FRAS1: variants seen among roughly 807,000 people sequenced by gnomAD.
The protein encoded by FRAS1 is extracellular matrix organizing protein FRAS1.
In FRAS1, 290 loss-of-function variants were observed where a neutral mutation model predicts 435.2. The observed-to-expected ratio is 0.67, with a 90% CI of 0.61 to 0.73. The LOEUF is 0.73. FRAS1 is among the 30% of genes least tolerant of loss of function. FRAS1 has a pLI of 0.00. For synonymous variants in FRAS1, 1,800 were observed against 1,851.0 expected (o/e 0.97, Z 0.71); for missense variants, 4,860 against 5,001.5 (o/e 0.97, Z 0.85).
chr4:78,301,846 GTTTTTTTTTTTT>G (rs59794614), intron 14 of FRAS1, among the ~76,000 whole-genome samples: 2 of 103,948 alleles, frequency 1.9e-5, no homozygotes, highest in Middle Eastern at 6.0e-3. Flanking sequence ...CACAGAAACA[GTTTTTTTTTTTT>G]TTTTTTTTTT....
At chr4:78,281,696 T>G (rs1428589040) in intron 11 of FRAS1, among the ~76,000 whole-genome samples, 1 of 152,200 alleles carries the variant, frequency 6.6e-6, no homozygotes, top group Non-Finnish European at 1.5e-5. Flanking sequence ...CCCTTTCTTG[T>G]GATGTTTTTC....
intron 11 of FRAS1, 94 bp downstream of exon 11, chr4:78,281,527 G>A (rs1005357469): frequency 6.7e-6 from 5 of 749,468 alleles, no homozygotes; most frequent in Non-Finnish European, 8.4e-6. Flanking sequence ...TAGGACCTTA[G>A]TATTTTTAAC....
At chr4:78,520,134 C>T (rs1357740486) in intron 67 of FRAS1, among the ~76,000 whole-genome samples, 2 of 152,102 alleles carry the variant, frequency 1.3e-5, no homozygotes, top group Non-Finnish European at 2.9e-5. Context: ...AGTTTCCACA[C>T]CTCACCCCCA....
chr4:78,412,282 C>T (rs1282437113), intron 31 of FRAS1, among the ~76,000 whole-genome samples: 1 of 152,168 alleles, frequency 6.6e-6, no homozygotes, highest in Non-Finnish European at 1.5e-5. Flanking sequence ...CCACATGTCA[C>T]ACATGGCTTA....
chr4:78,095,586 C>G (rs1441877125), intron 2 of FRAS1, among the ~76,000 whole-genome samples: 1 of 152,166 alleles, frequency 6.6e-6, no homozygotes. Context: ...CATATAATTC[C>G]AAGTGGCTGT....
rs141104287 is a variant in FRAS1, at chr4:78,415,819, G to A, written c.4425+2734G>A. On this transcript the variant is annotated intron_variant, in intron 32 of 73. Coordinates refer to ENST00000512123, the MANE Select transcript of FRAS1 (RefSeq NM_025074.7). The stretch of plus-strand genomic sequence containing the variant: ...GAAGTGCCATGATCAGATTTTTAAT[G>A]ATACATTTAGGAAGATCATTCTGGC... 6.9e-4 allele frequency among the ~76,000 whole-genome samples: 105 copies of A among 152,258 alleles called. 1 individual carries two copies. The Middle Eastern group carries it at 0.024, about 35-fold the overall frequency.
intron 44 of FRAS1, 128 bp from the exon 45 acceptor site, chr4:78,450,023 G>A (rs1718973807): frequency 1.6e-6 from 1 of 610,422 alleles, no homozygotes; most frequent in Non-Finnish European, 2.8e-6. Flanking sequence ...AAACTGAGAA[G>A]GGCAAGTGCC....
At chr4:78,087,040 A>C (rs1278908757) in intron 2 of FRAS1, among the ~76,000 whole-genome samples, 1 of 152,180 alleles carries the variant, frequency 6.6e-6, no homozygotes, top group Non-Finnish European at 1.5e-5. Context: ...ATACTGGCAA[A>C]CCGAATCCAG....
chr4:78,144,567 T>C (rs1003847561), intron 2 of FRAS1, among the ~76,000 whole-genome samples: 1 of 152,136 alleles, frequency 6.6e-6, no homozygotes, highest in African/African-American at 2.4e-5. Context: ...TAAAGTGATA[T>C]ACATTTATTG....
At chr4:78,271,709 T>G (rs1436212381) in intron 9 of FRAS1, among the ~76,000 whole-genome samples, 1 of 151,978 alleles carries the variant, frequency 6.6e-6, no homozygotes, top group Non-Finnish European at 1.5e-5. Context: ...TAATCCAGTC[T>G]ATCATTGATG....
intron 19 of FRAS1, among the ~76,000 whole-genome samples, chr4:78,337,368 A>G (rs1198138127): frequency 6.6e-6 from 1 of 152,112 alleles, no homozygotes; most frequent in Non-Finnish European, 1.5e-5. Context: ...CTCTGTGACT[A>G]TGATTTGAAC....
intron 32 of FRAS1, among the ~76,000 whole-genome samples, chr4:78,415,421 C>A (rs2110363235): frequency 6.6e-6 from 1 of 152,182 alleles, no homozygotes; most frequent in East Asian, 1.9e-4. Flanking sequence ...ATTGCTGGAA[C>A]CTACCACAGT....
chr4:78,394,032 T>A (rs79318692), intron 29 of FRAS1, among the ~76,000 whole-genome samples: 3,579 of 152,118 alleles, frequency 0.024, 156 homozygotes, highest in African/African-American at 0.08. Flanking sequence ...AATACCTATT[T>A]AGGTTTTTTC....
chr4:78,491,622 T>C (rs1386026231), intron 59 of FRAS1, among the ~76,000 whole-genome samples: 2 of 152,166 alleles, frequency 1.3e-5, no homozygotes, highest in Non-Finnish European at 2.9e-5. Flanking sequence ...ATAAAAACTC[T>C]CAATAAACTA....
chr4:78,153,962 AT>A (rs1238917070), intron 2 of FRAS1, among the ~76,000 whole-genome samples: 7 of 152,034 alleles, frequency 4.6e-5, no homozygotes, highest in South Asian at 4.2e-4. Flanking sequence ...TTACTCTACA[AT>A]TTTTTTCAGA....
At chr4:78,289,438 G>T (rs574776457) in intron 14 of FRAS1, among the ~76,000 whole-genome samples, 1 of 152,218 alleles carries the variant, frequency 6.6e-6, no homozygotes, top group African/African-American at 2.4e-5. Context: ...AGAGTTTGAT[G>T]CTTTGACCAC....
At chr4:78,428,967 A>T (rs1168151328) in intron 35 of FRAS1, 128 bp from the exon 36 acceptor site, 15 of 864,778 alleles carry the variant, frequency 1.7e-5, no homozygotes, top group Non-Finnish European at 1.8e-5. Flanking sequence ...AGTGCAAAAA[A>T]GTTTCTAGCT....
intron 10 of FRAS1, 71 bp downstream of exon 10, chr4:78,278,815 C>T: frequency 1.1e-6 from 1 of 897,160 alleles, no homozygotes; most frequent in South Asian, 1.5e-5. Flanking sequence ...GGAACATTAC[C>T]TTCTTGTTTC....
At chr4:78,512,082 T>C (rs1560420106) in intron 64 of FRAS1, among the ~76,000 whole-genome samples, 1 of 152,202 alleles carries the variant, frequency 6.6e-6, no homozygotes, top group Admixed American at 6.5e-5. Context: ...CACTCCTAAA[T>C]ATCTACTGAA....
Sources: allele counts gnomAD v4.1 joint callset (sites outside exome capture counted in the v4.1 genomes callset), GRCh38; gene constraint gnomAD v4.1.1; transcripts MANE v1.5; gene names NCBI Gene and HGNC (gene_info 2026-07-23, HGNC 2026-07-21).